CEP126: variants seen among roughly 807,000 people sequenced by gnomAD.
CEP126 encodes the protein centrosomal protein 126.
CEP126 carries 74 observed loss-of-function variants against 107.8 expected under a neutral mutation model. The ratio of observed to expected loss-of-function variants is 0.69; its 90% CI spans 0.57 to 0.83. The LOEUF (loss-of-function observed/expected upper bound fraction) is 0.83, where lower values mean the gene tolerates loss of function less well. Among genes scored for constraint, CEP126 ranks in the 40% least tolerant of loss-of-function variants. The probability of loss-of-function intolerance (pLI) is 0.00; values close to 1 mark genes in which losing one functional copy is unlikely to be tolerated. For missense variants in CEP126, 1,237 were observed against 1,281.9 expected (o/e 0.96, Z 0.53); for synonymous variants, 449 against 446.0 (o/e 1.01, Z -0.08).
chr11:101,924,162 A>G (rs1940373105), intron 2 of CEP126, among the ~76,000 whole-genome samples: 1 of 152,224 alleles, frequency 6.6e-6, no homozygotes, highest in South Asian at 2.1e-4. Context: ...ACATTTTCCA[A>G]TACAATATTA....
At chr11:101,988,435 G>T (rs914137054) in intron 9 of CEP126, among the ~76,000 whole-genome samples, 1 of 152,054 alleles carries the variant, frequency 6.6e-6, no homozygotes, top group Admixed American at 6.6e-5. Flanking sequence ...AAATAAAAAG[G>T]TCTGAAAGGC....
In CEP126 at chr11:101,962,953, G is replaced by A. The variant is rs1362568085; in HGVS notation, c.1918G>A (p.Glu640Lys). ...LRWFDETSNI[E>K]NNAENSHSLK... is the part of the protein sequence containing the mutation. ...GTGGTTTGATGAAACTAGCAATATA[G>A]AAAACAATGCTGAAAACAGTCATTC... Residue 640 changes from glutamate (E) to lysine (K), a missense_variant, in exon 6 of 11, where the codon GAA becomes AAA. Transcript: ENST00000263468. 7 of 1,610,552 alleles carry A rather than the reference G, an allele frequency of 4.3e-6. No individual in the cohort carries two copies. In the South Asian group the frequency reaches 5.6e-5, roughly 13 times the overall value.
At chr11:101,980,146 A>G (rs1470195) in intron 7 of CEP126, among the ~76,000 whole-genome samples, 76,974 of 151,862 alleles carry the variant, frequency 0.51, 19,944 homozygotes, top group East Asian at 0.78. Context: ...AAAGTTAATC[A>G]CATTACCCAT....
chr11:101,955,985 C>T lies in CEP126; in HGVS notation c.507-2183C>T, dbSNP rs768689334. The T allele has an allele frequency of 1.7e-4, 76 of 456,374 alleles. 1 individual carries two copies. The highest frequency in any genetic ancestry group is 1.1e-3 in the South Asian group (73 of 64,566). 28.3% of individuals were successfully genotyped at this position (456,374 alleles called of 1,614,324 possible). A position where few individuals can be genotyped will look rare whatever the true frequency, so the allele number is the denominator to read the frequency against. ...CTCTACTCTTCCAAAGACCTTTGCACCAGTCCCATTACTGCCTTACCCAAT... is the reference window on the plus strand; with the variant it reads ...CTCTACTCTTCCAAAGACCTTTGCATCAGTCCCATTACTGCCTTACCCAAT... On this transcript the variant is annotated intron_variant, in intron 4 of 10. Transcript: ENST00000263468.
rs532894485 is a variant in CEP126, at chr11:101,917,137, ATATT to A, written c.128+1728_128+1731del. 2.9e-3 allele frequency among the ~76,000 whole-genome samples: 448 copies of A among 152,094 alleles called. 1 individual carries two copies. The highest frequency in any genetic ancestry group is 5.3e-3 in the Non-Finnish European group (358 of 67,970). On this transcript the variant is annotated intron_variant, in intron 1 of 10. Coordinates refer to ENST00000263468, the MANE Select transcript of CEP126 (RefSeq NM_020802.4). ...GTGTATATATATGTTTAGATAATAT[ATATT>A]TAAATTGGAACAGAGGAATTATTTT...
intron 4 of CEP126, among the ~76,000 whole-genome samples, chr11:101,954,484 C>A (rs1940857276): frequency 6.6e-6 from 1 of 152,126 alleles, no homozygotes; most frequent in Non-Finnish European, 1.5e-5. Context: ...TACAGCAAGT[C>A]TATGCTAGGA....
chr11:101,982,894 C>T lies in CEP126; in HGVS notation c.3034+930C>T, dbSNP rs576358773. Among the ~76,000 whole-genome samples the T allele has an allele frequency of 2.0e-5, 3 of 152,272 alleles. No homozygotes were observed. The East Asian group carries it at 5.8e-4, about 29-fold the overall frequency. ...CATATGATGGGTCACAGCTAAAACA[C>T]AAGCTCATACCATACAGTTTATTTA... On this transcript the variant is annotated intron_variant, in intron 8 of 10. Transcript: ENST00000263468.
Position 101,967,804 on chromosome 11 carries a change from A to G in CEP126, c.2845+3924A>G, listed in dbSNP as rs541986356. 3.3e-5 allele frequency among the ~76,000 whole-genome samples: 5 copies of G among 152,350 alleles called. No individual in the cohort carries two copies. In the East Asian group the frequency reaches 9.6e-4, roughly 29 times the overall value. On this transcript the variant is annotated intron_variant, in intron 6 of 10. Transcript: ENST00000263468. ...GGATACATCTGTGGGTAACAAAAGT[A>G]TAGCAGAAATGGTAATGACAAACAT...
Position 101,962,312 on chromosome 11 carries a change from C to A in CEP126, c.1277C>A (p.Ser426Tyr). ...AGCAAATCCCAAAGCACTTCAGATTCTCTAACCCAGGAAGTGGCTACATTT... is the reference window on the plus strand; with the variant it reads ...AGCAAATCCCAAAGCACTTCAGATTATCTAACCCAGGAAGTGGCTACATTT... ...KFSKSQSTSDSLTQEVATFPD... is the reference protein window; with the variant it reads ...KFSKSQSTSDYLTQEVATFPD... The change falls in exon 6 of 11, where the codon TCT becomes TAT. Residue 426 changes from serine to tyrosine, a missense_variant. By Grantham distance (144) the Ser-to-Tyr change is moderately radical. Coordinates refer to ENST00000263468, the MANE Select transcript of CEP126 (RefSeq NM_020802.4). The A allele has an allele frequency of 6.2e-7, 1 of 1,613,488 alleles. No individual in the cohort carries two copies. The highest frequency in any genetic ancestry group is 8.5e-7 in the Non-Finnish European group (1 of 1,179,774).
At chr11:101,932,818 C>A (rs1940521600) in intron 2 of CEP126, among the ~76,000 whole-genome samples, 2 of 152,060 alleles carry the variant, frequency 1.3e-5, no homozygotes, top group Admixed American at 1.3e-4. Context: ...ATTAGTAATT[C>A]TTTGTTTACT....
At chr11:101,948,185 G>C in intron 4 of CEP126, 43 bp downstream of exon 4, 1 of 1,215,592 alleles carries the variant, frequency 8.2e-7, no homozygotes, top group East Asian at 2.4e-5. Flanking sequence ...TACAATAATT[G>C]TATAACCATC....
chr11:101,971,847 G>T (rs755577100), intron 6 of CEP126, among the ~76,000 whole-genome samples: 2 of 152,196 alleles, frequency 1.3e-5, no homozygotes, highest in Non-Finnish European at 2.9e-5. Context: ...CGTGGCTCAC[G>T]CCTGTAATTC....
intron 2 of CEP126, among the ~76,000 whole-genome samples, chr11:101,924,541 CT>C (rs1259950254): frequency 6.6e-6 from 1 of 152,170 alleles, no homozygotes; most frequent in Admixed American, 6.5e-5. Context: ...TCTCAGCTCA[CT>C]GCAACCTCCG....
chr11:101,989,470 A>G (rs577183040), intron 9 of CEP126, among the ~76,000 whole-genome samples: 2 of 152,320 alleles, frequency 1.3e-5, no homozygotes, highest in African/African-American at 2.4e-5. Flanking sequence ...AAAATCACCT[A>G]TGGTTCAGAA....
At position 101,922,847 on chromosome 11, in the gene CEP126, C is replaced by G. The variant is rs907651150; in HGVS notation, c.248+87C>G. 1.2e-5 allele frequency: 12 copies of G among 1,039,412 alleles called. No individual in the cohort carries two copies. In the Admixed American group the frequency reaches 2.2e-4, roughly 19 times the overall value. 64.4% of individuals were successfully genotyped at this position (1,039,412 alleles called of 1,614,324 possible). ...CTCTACTTTGTAGCACTTTATGAAA[C>G]TAAGTCATGGCAGTGTTATCTGTGA... On this transcript the variant is annotated intron_variant, in intron 2 of 10. Transcript: ENST00000263468.
intron 10 of CEP126, among the ~76,000 whole-genome samples, chr11:101,995,863 G>A (rs759497752): frequency 5.9e-5 from 9 of 152,022 alleles, no homozygotes; most frequent in South Asian, 2.1e-4. Context: ...TTCTTCTTCC[G>A]TTTATTAAAT....
At chr11:101,992,535 G>A (rs1941397582) in intron 9 of CEP126, among the ~76,000 whole-genome samples, 2 of 151,944 alleles carry the variant, frequency 1.3e-5, no homozygotes, top group South Asian at 4.1e-4. Flanking sequence ...TTATATAATA[G>A]TCAAAGTACT....
chr11:101,966,247 T>C (rs1050125553), intron 6 of CEP126, among the ~76,000 whole-genome samples: 2 of 152,216 alleles, frequency 1.3e-5, no homozygotes, highest in African/African-American at 4.8e-5. Context: ...ACTGAATATT[T>C]TGTATGTTCA....
chr11:101,936,629 C>A (rs369519328), intron 2 of CEP126, among the ~76,000 whole-genome samples: 1 of 152,142 alleles, frequency 6.6e-6, no homozygotes, highest in African/African-American at 2.4e-5. Flanking sequence ...GAGTAACCCT[C>A]TTTGCCTTAT....
Sources: gnomAD v4.1 joint callset for allele counts (sites outside exome capture counted in the v4.1 genomes callset) on GRCh38, gnomAD v4.1.1 for gene constraint, MANE v1.5 for transcripts, NCBI Gene and HGNC (gene_info 2026-07-23, HGNC 2026-07-21) for gene names.